Variants in ALDH6A1 observed in about 807,000 individuals in gnomAD.
The protein encoded by ALDH6A1 is methylmalonate-semialdehyde/malonate-semialdehyde dehydrogenase [acylating], mitochondrial.
A neutral mutation model predicts 62.6 loss-of-function variants in ALDH6A1; 43 were observed. That is an observed-to-expected ratio of 0.69 (90% confidence interval 0.54 to 0.89). The LOEUF (loss-of-function observed/expected upper bound fraction) is 0.89. Ranked by LOEUF, ALDH6A1 falls within the 40% of genes least tolerant of loss-of-function variation. The pLI, the probability that ALDH6A1 is intolerant of heterozygous loss-of-function variation, is 0.00. For synonymous variants in ALDH6A1, 194 were observed against 234.2 expected, an observed-to-expected ratio of 0.83 and a Z score of 1.57; for missense variants, 551 against 661.3, an observed-to-expected ratio of 0.83 and a Z score of 1.83.
rs1369374598 is a variant in ALDH6A1, at chr14:74,068,915, C to T, written c.797G>A (p.Gly266Glu). 1 of 1,613,906 alleles carries T rather than the reference C, an allele frequency of 6.2e-7. No individual in the cohort carries two copies. The highest frequency in any genetic ancestry group is 1.3e-5 in the African/African-American group (1 of 74,886). ...TGATCCTCTCTCGAAGATATACTCT[C>T]CTGCCTTGTTGGATCCCACAAAGCT... ...AISFVGSNKA[G>E]EYIFERGSRH... Residue 266 changes from glycine to glutamate, a missense_variant, in exon 7 of 12, where the codon GGA becomes GAA. Physicochemically the swap from Gly to Glu is moderately conservative, Grantham distance 98 (BLOSUM62 -2). Coordinates refer to ENST00000553458, the MANE Select transcript of ALDH6A1 (RefSeq NM_005589.4).
Position 74,068,708 on chromosome 14 carries a change from A to C in ALDH6A1, c.852+152T>G, listed in dbSNP as rs1222586001. 1.2e-5 allele frequency: 10 copies of C among 842,640 alleles called. No individual in the cohort carries two copies. The East Asian group carries it at 2.7e-4, about 23-fold the overall frequency. 52.2% of individuals were successfully genotyped at this position (842,640 alleles called of 1,614,324 possible). A position where few individuals can be genotyped will look rare whatever the true frequency, so the allele number is the denominator to read the frequency against. On this transcript the variant is annotated intron_variant, in intron 7 of 11. Coordinates refer to ENST00000553458, the MANE Select transcript of ALDH6A1 (RefSeq NM_005589.4). ...CAGTGAGCCGAGATCATGCCACTGC[A>C]CTCCAGCTTGGTGACAGAGAGACTC...
chr14:74,059,857 G>T lies in ALDH6A1; in HGVS notation c.*785C>A, dbSNP rs2060301815. ...ATCCTTGAGAAGTGATCTTAAGCAG[G>T]AGCAGTGACAATGATAGAATTAATA... On this transcript the variant is annotated 3_prime_UTR_variant, in exon 12 of 12. Coordinates refer to ENST00000553458, the MANE Select transcript of ALDH6A1 (RefSeq NM_005589.4). 1 of 153,862 alleles carries T rather than the reference G, an allele frequency of 6.5e-6. No individual in the cohort carries two copies. The highest frequency in any genetic ancestry group is 2.0e-4 in the South Asian group (1 of 4,930). The allele number at this position is 153,862 out of a possible 1,614,324, so 9.5% of individuals were successfully genotyped here. A position where few individuals can be genotyped will look rare whatever the true frequency, so the allele number is the denominator to read the frequency against.
chr14:74,082,472 T>A (rs1159004070), intron 1 of ALDH6A1, among the ~76,000 whole-genome samples: 1 of 136,780 alleles, frequency 7.3e-6, no homozygotes, highest in Non-Finnish European at 1.5e-5. Context: ...CGATCTCAGC[T>A]CACTGCAACC....
chr14:74,069,103 T>C, intron 6 of ALDH6A1, 122 bp from the exon 7 acceptor site: 2 of 518,870 alleles, frequency 3.9e-6, no homozygotes, highest in Non-Finnish European at 5.5e-6. Flanking sequence ...TACTTTTTCT[T>C]TTTTTTTTTT....
chr14:74,064,817 G>A lies in ALDH6A1; in HGVS notation c.1503+5C>T, dbSNP rs1178713177. 1.4e-5 allele frequency: 22 copies of A among 1,613,838 alleles called. No homozygotes were observed. Among genetic ancestry groups the A allele is most frequent in the Non-Finnish European group, 1.8e-5 (21 of 1,179,808 alleles). ...AAAAGACAAAAAATTTAACTCAAAA[G>A]TTACCTGTTTGCCATAGAAATTGGT... On this transcript the variant is annotated splice_donor_5th_base_variant and intron_variant, in intron 11 of 11. Coordinates refer to ENST00000553458, the MANE Select transcript of ALDH6A1 (RefSeq NM_005589.4).
At chr14:74,071,564 T>C in intron 5 of ALDH6A1, 67 bp from the exon 6 acceptor site, 4 of 1,611,082 alleles carry the variant, frequency 2.5e-6, no homozygotes, top group African/African-American at 1.3e-5. Context: ...CCTGTTCTCT[T>C]CAGCCCTGAG....
intron 1 of ALDH6A1, among the ~76,000 whole-genome samples, chr14:74,083,800 G>A (rs2060693774): frequency 6.6e-6 from 1 of 152,316 alleles, no homozygotes; most frequent in South Asian, 2.1e-4. Context: ...TGCCTTTGGT[G>A]AAAATCTAGA....
Position 74,064,869 on chromosome 14 carries a change from C to T in ALDH6A1, c.1456G>A (p.Gly486Ser), listed in dbSNP as rs368853422. The stretch of plus-strand genomic sequence containing the variant: ...TCTCCCCTGAAGGAGGATCGAGAGC[C>T]GGTGAATGAGAACATTGGCAAAGGC... ...PVPLPMFSFT[G>S]SRSSFRGDTN... is the part of the protein sequence containing the mutation. The change falls in exon 11 of 12, where the codon GGC becomes AGC. Residue 486 changes from glycine to serine, a missense_variant. By Grantham distance (56) the Gly-to-Ser change is moderately conservative (BLOSUM62 0). Transcript: ENST00000553458. 257 of 1,613,884 alleles carry T rather than the reference C, an allele frequency of 1.6e-4. 1 individual carries two copies. Among genetic ancestry groups the T allele is most frequent in the South Asian group, 5.9e-4 (54 of 91,072 alleles).
At chr14:74,073,989 AT>A (rs5809644) in intron 2 of ALDH6A1, among the ~76,000 whole-genome samples, 19,315 of 144,342 alleles carry the variant, frequency 0.13, 1,392 homozygotes, top group Admixed American at 0.2. Flanking sequence ...ACTTTAACTA[AT>A]TTTTTTTTTT....
At chr14:74,078,885 G>A (rs1293257422) in intron 1 of ALDH6A1, among the ~76,000 whole-genome samples, 4 of 151,376 alleles carry the variant, frequency 2.6e-5, no homozygotes, top group Admixed American at 6.6e-5. Flanking sequence ...GGTTGGTCTC[G>A]AACTCCTGAC....
Position 74,072,325 on chromosome 14 carries a change from T to C in ALDH6A1, c.226A>G (p.Lys76Glu). The change falls in exon 4 of 12, where the codon AAG becomes GAG. Residue 76 changes from lysine to glutamate, a missense_variant. Transcript: ENST00000553458. ...GCAATGGCTGCATCCATTTCTGCCT[T>C]GGTGGCCTGAGGGACCCGACCAATG... ...EVIGRVPQAT[K>E]AEMDAAIASC... is the part of the protein sequence containing the mutation. 8 of 1,614,214 alleles carry C rather than the reference T, an allele frequency of 5.0e-6. No individual in the cohort carries two copies. The highest frequency in any genetic ancestry group is 6.8e-6 in the Non-Finnish European group (8 of 1,180,042).
chr14:74,083,440 T>C (rs541021709), intron 1 of ALDH6A1, among the ~76,000 whole-genome samples: 4 of 152,192 alleles, frequency 2.6e-5, no homozygotes, highest in Non-Finnish European at 5.9e-5. Flanking sequence ...AGCTTTACCA[T>C]TTCTCCTTAG....
Position 74,072,077 on chromosome 14 carries a change from G to T in ALDH6A1, c.349-103C>A, listed in dbSNP as rs892300864. 19 of 1,563,482 alleles carry T rather than the reference G, an allele frequency of 1.2e-5. No homozygotes were observed. The South Asian group carries it at 2.1e-4, about 17-fold the overall frequency. ...AGACTGGAGGAGATGCAGTACAAGG[G>T]AGAGAGTCATGATCAACGTCTCTGC... On this transcript the variant is annotated intron_variant, in intron 4 of 11. Transcript: ENST00000553458.
intron 1 of ALDH6A1, 129 bp from the exon 2 acceptor site, chr14:74,075,146 AT>A (rs1396761220): frequency 6.5e-6 from 5 of 771,326 alleles, no homozygotes; most frequent in Non-Finnish European, 1.1e-5. Flanking sequence ...CCATACAGTC[AT>A]TAAAGAGAAA....
At position 74,072,537 on chromosome 14, in the gene ALDH6A1, T is replaced by G. The variant is rs1470652837; in HGVS notation, c.186A>C (p.Pro62=). 6.2e-7 allele frequency: 1 copy of G among 1,614,174 alleles called. No homozygotes were observed. Among genetic ancestry groups the G allele is most frequent in the Admixed American group, 1.7e-5 (1 of 60,006 alleles). The change falls in exon 3 of 12, where the codon CCA becomes CCC. Residue 62 remains proline (P), a splice_region_variant and synonymous_variant. Coordinates refer to ENST00000553458, the MANE Select transcript of ALDH6A1 (RefSeq NM_005589.4). ...KSDKWIDIHN[P]ATNEVIGRVP... ...GAAGTCCCAAAGCAGCTTCGCTTAC[T>G]GGGTTGTGGATATCGATCCATTTGT...
At chr14:74,071,054 C>T (rs1255041997) in intron 6 of ALDH6A1, 141 bp downstream of exon 6, 5 of 891,094 alleles carry the variant, frequency 5.6e-6, no homozygotes, top group Non-Finnish European at 9.1e-6. Context: ...ATGGCAAAAT[C>T]ATCAACAAAC....
intron 1 of ALDH6A1, among the ~76,000 whole-genome samples, chr14:74,080,302 G>T (rs1045720872): frequency 6.6e-6 from 1 of 151,136 alleles, no homozygotes; most frequent in Non-Finnish European, 1.5e-5. Context: ...TACCATCATT[G>T]TCTCTCACTT....
At chr14:74,072,466 G>C in intron 3 of ALDH6A1, 71 bp downstream of exon 3, 1 of 1,612,964 alleles carries the variant, frequency 6.2e-7, no homozygotes, top group Admixed American at 1.7e-5. Context: ...AGACACCCAG[G>C]TCCCTTCTTG....
Position 74,066,722 on chromosome 14 carries a change from T to C in ALDH6A1, c.1207A>G (p.Ile403Val). ...TTGTTCACCTTGACATTCGAGATGA[T>C]GGTTGGTCCAACAAAGTTGCCATTT... The part of the protein sequence containing the change: ...YENGNFVGPT[I>V]ISNVKPNMTC... The change falls in exon 9 of 12, where the codon ATC becomes GTC. Residue 403 changes from isoleucine (I) to valine (V), a missense_variant. Transcript: ENST00000553458. 6.2e-7 allele frequency: 1 copy of C among 1,614,130 alleles called. No individual in the cohort carries two copies. The highest frequency in any genetic ancestry group is 1.1e-5 in the South Asian group (1 of 91,088).
Sources: allele counts gnomAD v4.1 joint callset (sites outside exome capture counted in the v4.1 genomes callset), GRCh38; gene constraint gnomAD v4.1.1; transcripts MANE v1.5; gene names NCBI Gene and HGNC (gene_info 2026-07-23, HGNC 2026-07-21).